Variants in PRKCE observed in about 807,000 individuals in gnomAD.
The protein encoded by PRKCE is protein kinase C epsilon type.
In PRKCE, 16 loss-of-function variants were observed where a neutral mutation model predicts 85.4. The observed-to-expected ratio is 0.19, with a 90% confidence interval of 0.13 to 0.28. The LOEUF is 0.28. Ranked by LOEUF, PRKCE falls within the 10% of genes least tolerant of loss-of-function variation. The pLI, the probability that PRKCE is intolerant of heterozygous loss-of-function variation, is 1.00. For synonymous variants in PRKCE, 388 were observed against 371.5 expected, an observed-to-expected ratio of 1.04 and a Z score of -0.51; for missense variants, 573 against 975.2, an observed-to-expected ratio of 0.59 and a Z score of 5.49.
intron 2 of PRKCE, among the ~76,000 whole-genome samples, chr2:45,902,246 G>A (rs934460728): frequency 2.0e-5 from 3 of 152,116 alleles, no homozygotes; most frequent in Non-Finnish European, 4.4e-5. Flanking sequence ...GCCAGCTCAC[G>A]GCTCTCTTAG....
At chr2:45,710,156 G>C (rs1342857799) in intron 1 of PRKCE, among the ~76,000 whole-genome samples, 1 of 152,182 alleles carries the variant, frequency 6.6e-6, no homozygotes, top group Admixed American at 6.5e-5. Context: ...ACCGTTCTTG[G>C]ACTTTTCTGT....
At chr2:46,115,217 C>G (rs1672652604) in intron 11 of PRKCE, among the ~76,000 whole-genome samples, 1 of 152,244 alleles carries the variant, frequency 6.6e-6, no homozygotes. Context: ...AGGTGCTAAG[C>G]TCAGCCTGTC....
chr2:45,839,422 T>C (rs1036305056), intron 1 of PRKCE, among the ~76,000 whole-genome samples: 9 of 152,180 alleles, frequency 5.9e-5, no homozygotes, highest in African/African-American at 2.2e-4. Flanking sequence ...ATAGAAATAG[T>C]AGCTGGGAAG....
intron 1 of PRKCE, among the ~76,000 whole-genome samples, chr2:45,772,845 G>T (rs1254271767): frequency 6.6e-6 from 1 of 152,136 alleles, no homozygotes; most frequent in Non-Finnish European, 1.5e-5. Flanking sequence ...AGCATGGAAA[G>T]GCATGCTGCA....
At chr2:45,896,653 A>G (rs943008237) in intron 2 of PRKCE, among the ~76,000 whole-genome samples, 1 of 152,246 alleles carries the variant, frequency 6.6e-6, no homozygotes, top group African/African-American at 2.4e-5. Flanking sequence ...GTGCATGTAT[A>G]CTTTTATTGG....
intron 1 of PRKCE, among the ~76,000 whole-genome samples, chr2:45,700,837 A>G (rs1678575627): frequency 6.6e-6 from 1 of 152,208 alleles, no homozygotes; most frequent in African/African-American, 2.4e-5. Flanking sequence ...TCAGATGCAG[A>G]GGCAGATGCA....
intron 2 of PRKCE, among the ~76,000 whole-genome samples, chr2:45,922,658 G>T (rs1324724332): frequency 6.6e-6 from 1 of 152,230 alleles, no homozygotes; most frequent in Non-Finnish European, 1.5e-5. Context: ...GGTGCCGTCA[G>T]CTCAAGCTGC....
intron 2 of PRKCE, among the ~76,000 whole-genome samples, chr2:45,899,001 A>G (rs1436910892): frequency 6.6e-6 from 1 of 152,210 alleles, no homozygotes; most frequent in Non-Finnish European, 1.5e-5. Context: ...CAGGACTTAC[A>G]TGTTCATTCC....
chr2:45,940,321 G>C (rs1473269023), intron 2 of PRKCE, among the ~76,000 whole-genome samples: 1 of 152,202 alleles, frequency 6.6e-6, no homozygotes, highest in Non-Finnish European at 1.5e-5. Context: ...GGCAAGATGA[G>C]CTACTGGGAT....
chr2:46,030,476 A>G (rs1213922951), intron 10 of PRKCE, among the ~76,000 whole-genome samples: 2 of 152,162 alleles, frequency 1.3e-5, no homozygotes, highest in Non-Finnish European at 2.9e-5. Context: ...AGAGACTGAA[A>G]GGACAGAAGA....
chr2:46,161,489 G>A (rs1677753886), intron 14 of PRKCE, among the ~76,000 whole-genome samples: 2 of 152,280 alleles, frequency 1.3e-5, no homozygotes, highest in South Asian at 4.1e-4. Flanking sequence ...CGAGTCTCCA[G>A]GTCTCAGCAA....
intron 2 of PRKCE, among the ~76,000 whole-genome samples, chr2:45,885,521 A>G (rs1695229393): frequency 6.6e-6 from 1 of 152,212 alleles, no homozygotes; most frequent in Non-Finnish European, 1.5e-5. Context: ...CTTCCTATAC[A>G]AAACAAGCCT....
chr2:45,967,043 A>G (rs1488001836), intron 2 of PRKCE, among the ~76,000 whole-genome samples: 1 of 152,168 alleles, frequency 6.6e-6, no homozygotes, highest in African/African-American at 2.4e-5. Flanking sequence ...TATATGTCTG[A>G]TCTCCTCAGG....
Position 45,981,868 on chromosome 2 carries a change from A to C in PRKCE, c.693+1487A>C, listed in dbSNP as rs572960605. ...ACCTGCAGGTCTCTGCCTCTGCAGGACTCTAAAGCTCTTCTGCACTTTTTT... is the reference window on the plus strand; with the variant it reads ...ACCTGCAGGTCTCTGCCTCTGCAGGCCTCTAAAGCTCTTCTGCACTTTTTT... On this transcript the variant is annotated intron_variant, in intron 5 of 14. Transcript: ENST00000306156. Among the ~76,000 whole-genome samples, 6 of 152,196 alleles carry C rather than the reference A, an allele frequency of 3.9e-5. No homozygotes were observed. The East Asian group carries it at 1.2e-3, about 29-fold the overall frequency.
At chr2:45,875,594 T>G (rs530526080) in intron 2 of PRKCE, among the ~76,000 whole-genome samples, 117 of 152,280 alleles carry the variant, frequency 7.7e-4, no homozygotes, top group Middle Eastern at 3.4e-3. Flanking sequence ...GGGATTGAGT[T>G]TTTTGTTGTT....
At chr2:46,042,556 T>G (rs1708275755) in intron 10 of PRKCE, among the ~76,000 whole-genome samples, 1 of 152,270 alleles carries the variant, frequency 6.6e-6, no homozygotes. Context: ...TCTTTGCCTC[T>G]GGAAAAGCAT....
chr2:45,652,397 C>T lies in PRKCE; in HGVS notation c.297C>T (p.Thr99=). Residue 99 remains threonine, a synonymous_variant, in exon 1 of 15, where the codon ACC becomes ACT. Transcript: ENST00000306156. This position sits in a 1 kb window ranked among gnomAD's most constrained non-coding sequence, Gnocchi z 7.7. ...ACGACGACTTCGTGGCCAACTGCAC[C>T]ATCCAGTTTGAGGAGCTGCTGCAGA... is the stretch of plus-strand genomic sequence containing the variant. ...IGYDDFVANC[T]IQFEELLQNG... The T allele has an allele frequency of 6.2e-7, 1 of 1,612,438 alleles. No individual in the cohort carries two copies. Among genetic ancestry groups the T allele is most frequent in the South Asian group, 1.1e-5 (1 of 91,062 alleles).
intron 2 of PRKCE, among the ~76,000 whole-genome samples, chr2:45,855,941 G>C (rs925846393): frequency 1.3e-4 from 20 of 151,676 alleles, no homozygotes; most frequent in African/African-American, 4.9e-4. Flanking sequence ...TTGCCTTCAG[G>C]GTTTTCATGA....
intron 1 of PRKCE, among the ~76,000 whole-genome samples, chr2:45,684,227 G>A (rs1677114602): frequency 1.3e-5 from 2 of 152,192 alleles, no homozygotes; most frequent in Admixed American, 6.5e-5. Context: ...ATAAGGCAGT[G>A]GATTCCCTTT....
Sources: gnomAD v4.1 joint callset for allele counts (sites outside exome capture counted in the v4.1 genomes callset) on GRCh38, gnomAD v4.1.1 for gene constraint, Gnocchi (gnomAD v3.1) non-coding constraint, MANE v1.5 for transcripts, NCBI Gene and HGNC (gene_info 2026-07-23, HGNC 2026-07-21) for gene names.